PIK3C2G: variants seen among roughly 807,000 people sequenced by gnomAD.
The protein encoded by PIK3C2G is phosphatidylinositol-4-phosphate 3-kinase catalytic subunit type 2 gamma, also known as phosphatidylinositol 3-kinase C2 domain-containing subunit gamma.
Under a neutral mutation model 181.1 loss-of-function variants are expected in PIK3C2G, and 168 were observed. The ratio of observed to expected loss-of-function variants is 0.93; its 90% CI spans 0.82 to 1.05. The LOEUF is 1.05. PIK3C2G is among the 50% of genes least tolerant of loss of function. The probability of loss-of-function intolerance (pLI) is 0.00; values close to 1 mark genes in which losing one functional copy is unlikely to be tolerated. For synonymous variants in PIK3C2G, 573 were observed against 592.2 expected (o/e 0.97, Z 0.47); for missense variants, 1,869 against 1,732.8 (o/e 1.08, Z -1.40).
At chr12:18,713,500 G>T in the PIK3C2G span, among the ~76,000 whole-genome samples, 19 of 152,150 alleles carry the variant, frequency 1.2e-4, no homozygotes, top group Non-Finnish European at 2.5e-4. Flanking sequence ...AAAAGATAAA[G>T]CATGACAATA....
At chr12:18,334,464 A>G (rs1938319443) in intron 8 of PIK3C2G, among the ~76,000 whole-genome samples, 3 of 152,076 alleles carry the variant, frequency 2.0e-5, no homozygotes, top group Admixed American at 2.0e-4. Context: ...GCCAAGCTAA[A>G]ATTTTGTAAT....
intron 30 of PIK3C2G, chr12:18,607,144 C>T: frequency 1.9e-6 from 1 of 515,816 alleles, no homozygotes; most frequent in South Asian, 1.4e-5. Context: ...GATGACCACA[C>T]AAACTATTTT....
At chr12:18,597,602 A>G (rs1592679510) in intron 30 of PIK3C2G, among the ~76,000 whole-genome samples, 1 of 152,070 alleles carries the variant, frequency 6.6e-6, no homozygotes, top group African/African-American at 2.4e-5. Context: ...GGATTTTTGT[A>G]TCAATCACCA....
At chr12:18,428,335 T>TAAAA in intron 18 of PIK3C2G, among the ~76,000 whole-genome samples, 1 of 141,930 alleles carries the variant, frequency 7.0e-6, no homozygotes, top group Non-Finnish European at 1.5e-5. Context: ...AAGTCTTATT[T>TAAAA]AAAAAAAAAA....
At chr12:18,398,169 G>A (rs939514873) in intron 15 of PIK3C2G, among the ~76,000 whole-genome samples, 3 of 152,034 alleles carry the variant, frequency 2.0e-5, no homozygotes, top group African/African-American at 7.2e-5. Context: ...TTGTTATCTG[G>A]TACATGCATT....
intron 2 of PIK3C2G, 72 bp from the exon 3 acceptor site, chr12:18,286,775 G>T: frequency 1.2e-6 from 1 of 848,804 alleles, no homozygotes; most frequent in Non-Finnish European, 1.8e-6. Flanking sequence ...CTTCAAAACA[G>T]GATAAAATTG....
downstream of PIK3C2G, among the ~76,000 whole-genome samples, chr12:18,652,314 T>C (rs75121374): frequency 0.02 from 3,031 of 152,224 alleles, 48 homozygotes; most frequent in African/African-American, 0.04. Flanking sequence ...GTCACAGATC[T>C]GCACAGAAGG....
At chr12:18,625,369 T>A (rs1374714366) in intron 31 of PIK3C2G, among the ~76,000 whole-genome samples, 2 of 151,780 alleles carry the variant, frequency 1.3e-5, no homozygotes, top group African/African-American at 4.8e-5. Flanking sequence ...CACATATCAT[T>A]GTGGTTAGAA....
chr12:18,663,646 A>G, the PIK3C2G span, among the ~76,000 whole-genome samples: 24 of 151,348 alleles, frequency 1.6e-4, no homozygotes, highest in Admixed American at 2.0e-4. Context: ...AAACTCTTAG[A>G]AAAAAAAACA....
At chr12:18,597,428 T>TA (rs937127004) in intron 30 of PIK3C2G, among the ~76,000 whole-genome samples, 2 of 152,000 alleles carry the variant, frequency 1.3e-5, no homozygotes, top group African/African-American at 4.8e-5. Context: ...TTAAAAATCA[T>TA]AAAAATAATA....
intron 1 of PIK3C2G, among the ~76,000 whole-genome samples, chr12:18,252,957 A>G (rs1948109240): frequency 6.6e-6 from 1 of 152,126 alleles, no homozygotes; most frequent in African/African-American, 2.4e-5. Context: ...GAGGAAAGGT[A>G]GCACTTGTTT....
At chr12:18,554,762 C>T (rs1396598258) in intron 26 of PIK3C2G, among the ~76,000 whole-genome samples, 2 of 152,042 alleles carry the variant, frequency 1.3e-5, no homozygotes, top group East Asian at 3.9e-4. Context: ...TCATATATTT[C>T]AGAGATTACA....
At chr12:18,367,664 C>A (rs1214305913) in intron 12 of PIK3C2G, among the ~76,000 whole-genome samples, 2 of 152,092 alleles carry the variant, frequency 1.3e-5, no homozygotes, top group Non-Finnish European at 2.9e-5. Flanking sequence ...AAGCAGTTCT[C>A]CTGCCTCAGC....
chr12:18,505,516 TA>T, intron 24 of PIK3C2G, 55 bp downstream of exon 24: 1 of 1,290,494 alleles, frequency 7.7e-7, no homozygotes, highest in Non-Finnish European at 1.1e-6. Context: ...GCAATATGTA[TA>T]ACATGTAATT....
At chr12:18,645,089 T>C (rs1950046192) in intron 32 of PIK3C2G, among the ~76,000 whole-genome samples, 1 of 152,154 alleles carries the variant, frequency 6.6e-6, no homozygotes, top group Non-Finnish European at 1.5e-5. Flanking sequence ...ACTTAACTCA[T>C]GCCTATAGGT....
At position 18,263,381 on chromosome 12, in the gene PIK3C2G, CT is replaced by C. The variant is rs550931093; in HGVS notation, c.-79+1806del. 1.4e-3 allele frequency among the ~76,000 whole-genome samples: 206 copies of C among 152,074 alleles called. 1 individual carries two copies. Among genetic ancestry groups the C allele is most frequent in the Middle Eastern group, 3.6e-3 (1 of 276 alleles). ...ATCATTTCTCATAAGCCATCTTGTC[CT>C]TATAAAGGTATAAATTCCAATACTG... On this transcript the variant is annotated intron_variant, in intron 1 of 32. Coordinates refer to ENST00000538779, the MANE Select transcript of PIK3C2G (RefSeq NM_001288772.2).
chr12:18,282,457 T>C lies in PIK3C2G; in HGVS notation c.376T>C (p.Trp126Arg), dbSNP rs1949260544. Residue 126 changes from tryptophan (W) to arginine (R), a missense_variant, in exon 2 of 33, where the codon TGG (tryptophan) becomes CGG (arginine). Trp to Arg is a moderately radical substitution (Grantham distance 101). Coordinates refer to ENST00000538779, the MANE Select transcript of PIK3C2G (RefSeq NM_001288772.2). ...KPQNTNKECS[W>R]GSPIGKHHGA... ...TCAAAATACGAATAAAGAATGCTCC[T>C]GGGGAAGCCCCATAGGAAAACATCA... 3 of 1,592,520 alleles carry C rather than the reference T, an allele frequency of 1.9e-6. No individual in the cohort carries two copies. Among genetic ancestry groups the C allele is most frequent in the African/African-American group, 1.4e-5 (1 of 72,496 alleles).
chr12:18,347,613 C>T (rs1236775928), intron 11 of PIK3C2G, among the ~76,000 whole-genome samples: 1 of 152,038 alleles, frequency 6.6e-6, no homozygotes, highest in Non-Finnish European at 1.5e-5. Flanking sequence ...GGTTCAAAAC[C>T]AGCCTGGACA....
intron 31 of PIK3C2G, among the ~76,000 whole-genome samples, chr12:18,612,275 T>C (rs1287603005): frequency 6.6e-6 from 1 of 152,132 alleles, no homozygotes; most frequent in Admixed American, 6.6e-5. Context: ...ATGTCCCGAA[T>C]GCTTGTATTT....
Sources: gnomAD v4.1 joint callset for allele counts (sites outside exome capture counted in the v4.1 genomes callset) on GRCh38, gnomAD v4.1.1 for gene constraint, MANE v1.5 for transcripts, NCBI Gene and HGNC (gene_info 2026-07-23, HGNC 2026-07-21) for gene names.